Variants in NELL1 observed in about 807,000 individuals in gnomAD.
NELL1 encodes neural EGFL like 1, also known as protein kinase C-binding protein NELL1.
Under a neutral mutation model 107.4 loss-of-function variants are expected in NELL1, and 76 were observed. The ratio of observed to expected loss-of-function variants is 0.71; its 90% CI spans 0.59 to 0.86. The LOEUF (loss-of-function observed/expected upper bound fraction) is 0.86, where lower values mean the gene tolerates loss of function less well. Ranked by LOEUF, NELL1 falls within the 40% of genes least tolerant of loss-of-function variation. The pLI, the probability that NELL1 is intolerant of heterozygous loss-of-function variation, is 0.00. For missense variants in NELL1, 1,024 were observed against 1,005.5 expected (o/e 1.02, Z -0.25); for synonymous variants, 353 against 341.2 (o/e 1.03, Z -0.38).
chr11:21,120,086 A>G (rs779688253), intron 13 of NELL1, among the ~76,000 whole-genome samples: 5 of 152,082 alleles, frequency 3.3e-5, no homozygotes, highest in Admixed American at 6.6e-5. Flanking sequence ...AAGGATTTTT[A>G]TTTTCTTGAT....
chr11:21,361,259 ATTTTTTTTTTT>A (rs59239329), intron 14 of NELL1, among the ~76,000 whole-genome samples: 1 of 113,576 alleles, frequency 8.8e-6, no homozygotes, highest in African/African-American at 3.4e-5. Context: ...TTGTGTGACA[ATTTTTTTTTTT>A]TTTTTTTTTT....
intron 5 of NELL1, among the ~76,000 whole-genome samples, chr11:20,910,422 A>C (rs1850101949): frequency 6.6e-6 from 1 of 152,182 alleles, no homozygotes; most frequent in Non-Finnish European, 1.5e-5. Flanking sequence ...ACAAATGGGG[A>C]ATCAATTTGC....
chr11:20,740,675 T>C (rs1415553870), intron 2 of NELL1, among the ~76,000 whole-genome samples: 1 of 152,254 alleles, frequency 6.6e-6, no homozygotes, highest in Admixed American at 6.5e-5. Flanking sequence ...GTCATGATGA[T>C]GACAGGAATA....
At chr11:20,822,282 G>A (rs563307007) in intron 3 of NELL1, among the ~76,000 whole-genome samples, 1 of 152,314 alleles carries the variant, frequency 6.6e-6, no homozygotes, top group East Asian at 1.9e-4. Flanking sequence ...AGGACTCAGA[G>A]AGCACTTGGG....
chr11:20,892,758 G>A (rs754726125), intron 5 of NELL1, among the ~76,000 whole-genome samples: 2 of 152,102 alleles, frequency 1.3e-5, no homozygotes, highest in Non-Finnish European at 2.9e-5. Context: ...GTGAAACCCT[G>A]TCTCTACTAA....
At chr11:21,534,324 T>C in intron 15 of NELL1, 50 bp from the exon 16 acceptor site, 1 of 1,609,200 alleles carries the variant, frequency 6.2e-7, no homozygotes, top group Non-Finnish European at 8.5e-7. Flanking sequence ...GAAAGGTTAG[T>C]GTCAAAAGAA....
chr11:21,377,262 T>C (rs1049161033), intron 15 of NELL1, among the ~76,000 whole-genome samples: 1 of 152,122 alleles, frequency 6.6e-6, no homozygotes, highest in Non-Finnish European at 1.5e-5. Flanking sequence ...GAAGAGATAT[T>C]GGATTTTATC....
intron 14 of NELL1, among the ~76,000 whole-genome samples, chr11:21,283,376 G>T (rs566510217): frequency 6.6e-5 from 10 of 152,086 alleles, no homozygotes; most frequent in African/African-American, 2.4e-4. Context: ...GAGCACTCTC[G>T]TGTGGGATTT....
chr11:21,395,839 A>G (rs1438310039), intron 15 of NELL1, among the ~76,000 whole-genome samples: 1 of 151,576 alleles, frequency 6.6e-6, no homozygotes, highest in Non-Finnish European at 1.5e-5. Flanking sequence ...AAAAACAACA[A>G]AAAAGCAACA....
chr11:20,795,649 A>G (rs1248166350), intron 3 of NELL1, among the ~76,000 whole-genome samples: 2 of 152,188 alleles, frequency 1.3e-5, no homozygotes, highest in African/African-American at 2.4e-5. Flanking sequence ...TTATTTCTAA[A>G]TGATAGATAA....
intron 15 of NELL1, among the ~76,000 whole-genome samples, chr11:21,492,051 A>G (rs1489410836): frequency 6.6e-6 from 1 of 152,174 alleles, no homozygotes; most frequent in Non-Finnish European, 1.5e-5. Context: ...TTTACAAGGA[A>G]AAAACAAACA....
intron 15 of NELL1, among the ~76,000 whole-genome samples, chr11:21,427,331 C>T (rs1852847101): frequency 6.6e-6 from 1 of 152,126 alleles, no homozygotes; most frequent in African/African-American, 2.4e-5. Context: ...GTTGATGTAA[C>T]AAAATGTAGC....
At position 21,110,650 on chromosome 11, in the gene NELL1, T is replaced by C. The variant is rs113276273; in HGVS notation, c.1301-2939T>C. Among the ~76,000 whole-genome samples the C allele has an allele frequency of 6.9e-3, 1,051 of 152,264 alleles. 18 individuals are homozygous for C. Among genetic ancestry groups the C allele is most frequent in the African/African-American group, 0.023 (953 of 41,568 alleles). On this transcript the variant is annotated intron_variant, in intron 12 of 19. Coordinates refer to ENST00000357134, the MANE Select transcript of NELL1 (RefSeq NM_006157.5). ...CAGGCTGGCTGGCAGCTGTGGCCCA[T>C]GGGCTGAAGATTGAATTGCCTCTAA...
In NELL1 at chr11:20,915,717, A is replaced by ATATATATATATATATTTTT; in HGVS notation, c.604-2464_604-2463insATATATATATATATTTTTT. The stretch of plus-strand genomic sequence containing the variant: ...TCATAGATGATATATATATATATAT[A>ATATATATATATATATTTTT]TTTTTTTTTTTTTTTTTTGAGAGGA... On this transcript the variant is annotated intron_variant, in intron 5 of 19. Coordinates refer to ENST00000357134, the MANE Select transcript of NELL1 (RefSeq NM_006157.5). Among the ~76,000 whole-genome samples the ATATATATATATATATTTTT allele has an allele frequency of 2.0e-3, 115 of 58,204 alleles. 2 individuals are homozygous for ATATATATATATATATTTTT. The highest frequency in any genetic ancestry group is 2.7e-3 in the Non-Finnish European group (91 of 34,152). 38.2% of individuals were successfully genotyped at this position (58,204 alleles called of 152,430 possible). A position where few individuals can be genotyped will look rare whatever the true frequency, so the allele number is the denominator to read the frequency against.
At chr11:20,696,628 T>G in intron 2 of NELL1, among the ~76,000 whole-genome samples, 1 of 151,848 alleles carries the variant, frequency 6.6e-6, no homozygotes, top group South Asian at 2.1e-4. Context: ...AGGAGTGGAC[T>G]TATGTTTTGT....
chr11:20,992,252 C>T (rs1851991848), intron 12 of NELL1, among the ~76,000 whole-genome samples: 1 of 152,164 alleles, frequency 6.6e-6, no homozygotes, highest in South Asian at 2.1e-4. Context: ...AAGTTTCTTG[C>T]TTAATCCATG....
intron 10 of NELL1, among the ~76,000 whole-genome samples, chr11:20,941,899 A>G (rs1850862895): frequency 6.6e-6 from 1 of 152,172 alleles, no homozygotes; most frequent in Non-Finnish European, 1.5e-5. Context: ...CAAGTACAAG[A>G]TGGTGCATCA....
chr11:21,239,855 A>T (rs535014060), intron 14 of NELL1, among the ~76,000 whole-genome samples: 1 of 152,114 alleles, frequency 6.6e-6, no homozygotes, highest in South Asian at 2.1e-4. Context: ...TCTCAGTTGT[A>T]GGAGAAGGTG....
chr11:21,309,280 GTA>G (rs67629561), intron 14 of NELL1, among the ~76,000 whole-genome samples: 43,259 of 108,386 alleles, frequency 0.4, 8,403 homozygotes, highest in Non-Finnish European at 0.51. Flanking sequence ...ATATATATAT[GTA>G]TATATATATA....
Sources: gnomAD v4.1 joint callset for allele counts (sites outside exome capture counted in the v4.1 genomes callset) on GRCh38, gnomAD v4.1.1 for gene constraint, MANE v1.5 for transcripts, NCBI Gene and HGNC (gene_info 2026-07-23, HGNC 2026-07-21) for gene names.